Variants in GLRA1 observed in about 807,000 individuals in gnomAD.
GLRA1 encodes the protein glycine receptor alpha 1, also known as glycine receptor subunit alpha-1.
Under a neutral mutation model 48.3 loss-of-function variants are expected in GLRA1, and 37 were observed. That is an observed-to-expected ratio of 0.77 (90% confidence interval 0.59 to 1.01). The LOEUF (loss-of-function observed/expected upper bound fraction) is 1.01, where lower values mean the gene tolerates loss of function less well. GLRA1 is among the 50% of genes least tolerant of loss of function. GLRA1 has a pLI of 0.00. For missense variants in GLRA1, 427 were observed against 571.0 expected, an observed-to-expected ratio of 0.75 and a Z score of 2.57; for synonymous variants, 196 against 210.7, an observed-to-expected ratio of 0.93 and a Z score of 0.60.
At chr5:151,920,665 A>C (rs182209485) in intron 1 of GLRA1, among the ~76,000 whole-genome samples, 6 of 152,198 alleles carry the variant, frequency 3.9e-5, no homozygotes, top group Middle Eastern at 6.8e-3. Context: ...TAAGGTACTT[A>C]ATATTAAGTA....
intron 1 of GLRA1, among the ~76,000 whole-genome samples, chr5:151,900,139 G>A (rs1754328045): frequency 6.6e-6 from 1 of 152,090 alleles, no homozygotes; most frequent in Non-Finnish European, 1.5e-5. Flanking sequence ...TCCCCACAAA[G>A]TAGGGCCACC....
intron 3 of GLRA1, among the ~76,000 whole-genome samples, chr5:151,883,432 T>C (rs907301131): frequency 2.1e-5 from 2 of 96,998 alleles, no homozygotes; most frequent in Non-Finnish European, 4.5e-5. Flanking sequence ...GAACAAACAT[T>C]TATCTATAGG....
At chr5:151,847,933 A>G (rs1752721804) in intron 7 of GLRA1, among the ~76,000 whole-genome samples, 1 of 152,348 alleles carries the variant, frequency 6.6e-6, no homozygotes, top group South Asian at 2.1e-4. Context: ...CAGAATGTGT[A>G]TCTGACATTA....
At chr5:151,912,431 T>C (rs1273848719) in intron 1 of GLRA1, among the ~76,000 whole-genome samples, 1 of 152,184 alleles carries the variant, frequency 6.6e-6, no homozygotes, top group Non-Finnish European at 1.5e-5. Context: ...AGCAACCTTA[T>C]CTGCAATGGC....
chr5:151,889,950 C>T (rs991545707), intron 2 of GLRA1, among the ~76,000 whole-genome samples: 15 of 151,958 alleles, frequency 9.9e-5, no homozygotes, highest in African/African-American at 2.2e-4. Flanking sequence ...AGGGTTGGGA[C>T]GGGCCTAAAA....
intron 1 of GLRA1, among the ~76,000 whole-genome samples, chr5:151,919,805 C>T (rs1201344450): frequency 6.6e-6 from 1 of 152,220 alleles, no homozygotes; most frequent in Non-Finnish European, 1.5e-5. Flanking sequence ...AGGCCAAAGC[C>T]TCTTTGTTTA....
intron 1 of GLRA1, among the ~76,000 whole-genome samples, chr5:151,900,693 T>C (rs1246738641): frequency 6.6e-6 from 1 of 152,196 alleles, no homozygotes; most frequent in Non-Finnish European, 1.5e-5. Flanking sequence ...TCCTTCTCCT[T>C]ACTCCAGGTG....
At chr5:151,889,755 C>A (rs568519425) in intron 2 of GLRA1, among the ~76,000 whole-genome samples, 7 of 152,170 alleles carry the variant, frequency 4.6e-5, no homozygotes, top group African/African-American at 1.7e-4. Context: ...TTTAGGGAAT[C>A]TGATTTGTGT....
chr5:151,849,126 T>TTC (rs1752778954), intron 7 of GLRA1: 1 of 206,592 alleles, frequency 4.8e-6, no homozygotes, highest in African/African-American at 4.8e-5. Context: ...CTTTCTTTCT[T>TTC]TCTTTCTTTC....
intron 7 of GLRA1, chr5:151,850,901 G>T: frequency 5.5e-6 from 3 of 544,854 alleles, no homozygotes; most frequent in South Asian, 4.5e-5. Flanking sequence ...GGAATATAAA[G>T]GTCTTTTTTT....
intron 1 of GLRA1, among the ~76,000 whole-genome samples, chr5:151,901,371 G>A (rs910990061): frequency 6.6e-6 from 1 of 152,192 alleles, no homozygotes; most frequent in Admixed American, 6.5e-5. Context: ...GGGGCATCAA[G>A]TGGCCCTCAG....
chr5:151,839,494 G>A (rs1051431212), intron 7 of GLRA1, among the ~76,000 whole-genome samples: 3 of 152,124 alleles, frequency 2.0e-5, no homozygotes, highest in Admixed American at 6.5e-5. Flanking sequence ...GGAAGGGGGA[G>A]GTAATTGAGA....
chr5:151,825,625 CTG>C (rs1561544745), intron 8 of GLRA1, among the ~76,000 whole-genome samples: 1 of 152,200 alleles, frequency 6.6e-6, no homozygotes, highest in Non-Finnish European at 1.5e-5. Flanking sequence ...GTAGTGTACT[CTG>C]GAGCTCAGGG....
intron 1 of GLRA1, among the ~76,000 whole-genome samples, chr5:151,918,174 AG>A (rs2113462773): frequency 6.6e-6 from 1 of 152,312 alleles, no homozygotes; most frequent in African/African-American, 2.4e-5. Flanking sequence ...TACAAAGCAT[AG>A]GCACTGTGTG....
intron 3 of GLRA1, among the ~76,000 whole-genome samples, chr5:151,882,984 G>C (rs903775895): frequency 6.6e-6 from 1 of 152,056 alleles, no homozygotes; most frequent in Non-Finnish European, 1.5e-5. Context: ...GTTGAAAGTT[G>C]CAGGTTCTAA....
rs559396504 is a variant in GLRA1, at chr5:151,904,002, G to A, written c.57-11564C>T. On this transcript the variant is annotated intron_variant, in intron 1 of 8. Transcript: ENST00000274576. ...AAAACAGCTCACTCAATTCAAATATGCATGGTTTTAAGTTTCTACTCTTCT... is the reference window on the plus strand; with the variant it reads ...AAAACAGCTCACTCAATTCAAATATACATGGTTTTAAGTTTCTACTCTTCT... Among the ~76,000 whole-genome samples, 73 of 152,290 alleles carry A rather than the reference G, an allele frequency of 4.8e-4. 1 individual carries two copies. Among genetic ancestry groups the A allele is most frequent in the Middle Eastern group, 6.8e-3 (2 of 294 alleles).
intron 7 of GLRA1, chr5:151,849,024 T>C (rs1254922455): frequency 2.6e-5 from 16 of 623,944 alleles, no homozygotes; most frequent in Non-Finnish European, 3.9e-5. Context: ...ACCCAGACTC[T>C]GGACAGTGAG....
chr5:151,837,495 A>G (rs1167025406), intron 7 of GLRA1, among the ~76,000 whole-genome samples: 1 of 152,222 alleles, frequency 6.6e-6, no homozygotes, highest in African/African-American at 2.4e-5. Flanking sequence ...TCATTCTACT[A>G]TAAAGACACA....
intron 3 of GLRA1, among the ~76,000 whole-genome samples, chr5:151,873,661 G>T (rs2113382887): frequency 1.7e-5 from 2 of 117,076 alleles, no homozygotes; most frequent in African/African-American, 6.7e-5. Flanking sequence ...GTGACACTTT[G>T]TCTCAAAAAA....
Sources: gnomAD v4.1 joint callset for allele counts (sites outside exome capture counted in the v4.1 genomes callset) on GRCh38, gnomAD v4.1.1 for gene constraint, MANE v1.5 for transcripts, NCBI Gene and HGNC (gene_info 2026-07-23, HGNC 2026-07-21) for gene names.